Variants in TSHZ3 observed in about 807,000 individuals in gnomAD.
TSHZ3 encodes the protein teashirt homolog 3.
TSHZ3 carries 10 observed loss-of-function variants against 64.5 expected under a neutral mutation model. That is an observed-to-expected ratio of 0.16 (90% CI 0.10 to 0.26). TSHZ3 has a LOEUF of 0.26. Ranked by LOEUF, TSHZ3 falls within the 10% of genes least tolerant of loss-of-function variation. TSHZ3 has a pLI of 1.00. For synonymous variants in TSHZ3, 608 were observed against 593.1 expected, an observed-to-expected ratio of 1.03 and a Z score of -0.36; for missense variants, 1,242 against 1,421.7, an observed-to-expected ratio of 0.87 and a Z score of 2.03.
intron 4 of TSHZ3, among the ~76,000 whole-genome samples, chr19:31,225,058 A>C (rs1161136390): frequency 6.6e-6 from 1 of 152,198 alleles, no homozygotes; most frequent in East Asian, 1.9e-4. Flanking sequence ...AGACCTGTGA[A>C]TTATGGCAAA....
rs115149928 is a variant in TSHZ3, at chr19:31,204,034, G to A, written n.809+922C>T. Among the ~76,000 whole-genome samples, 695 of 152,250 alleles carry A rather than the reference G, an allele frequency of 4.6e-3. 7 individuals carry two copies. The highest frequency in any genetic ancestry group is 0.016 in the African/African-American group (660 of 41,562). ...CTTCACATGGCTGCAAGAGAGCGAA[G>A]TGCAAGCAGGGGAAATGCCAGATGC... is the stretch of plus-strand genomic sequence containing the variant. On this transcript the variant is annotated intron_variant and non_coding_transcript_variant, in intron 5 of 6. Transcript: ENST00000651361.
upstream of TSHZ3, among the ~76,000 whole-genome samples, chr19:31,349,903 G>T (rs905588617): frequency 4.2e-5 from 6 of 143,048 alleles, no homozygotes; most frequent in Non-Finnish European, 7.7e-5. Flanking sequence ...GGGGCGCCGC[G>T]CCCCCGCCCC....
At chr19:31,175,239 G>A (rs77931242) in intron 5 of TSHZ3, among the ~76,000 whole-genome samples, 128 of 152,228 alleles carry the variant, frequency 8.4e-4, no homozygotes, top group Non-Finnish European at 1.4e-3. Context: ...CTTACATTGC[G>A]CTTTCCTGTT....
chr19:31,256,111 C>T (rs563099004), intron 1 of TSHZ3, among the ~76,000 whole-genome samples: 1 of 152,256 alleles, frequency 6.6e-6, no homozygotes, highest in Non-Finnish European at 1.5e-5. Context: ...CTCCCCGAGG[C>T]TCACTTTCTC....
rs779306559 is a variant in TSHZ3, at chr19:31,279,133, G to A, written c.660C>T (p.Ser220=). 5.7e-5 allele frequency: 92 copies of A among 1,613,448 alleles called. No homozygotes were observed. In the South Asian group the frequency reaches 6.4e-4, roughly 11 times the overall value. The change falls in exon 2 of 2, where the codon AGC becomes AGT. Residue 220 remains serine, a synonymous_variant. Transcript: ENST00000240587. The surrounding 1 kb of genome is among the most constrained non-coding windows in gnomAD (Gnocchi z 6.4). The part of the protein sequence containing the change: ...GASKFRCKDC[S]AAYDTLVELT... ...ACTCCACCAGGGTGTCGTAGGCAGC[G>A]CTGCAGTCCTTACAGCGGAACTTGC...
At chr19:31,256,885 C>T (rs1021778781) in intron 1 of TSHZ3, among the ~76,000 whole-genome samples, 2 of 152,152 alleles carry the variant, frequency 1.3e-5, no homozygotes, top group African/African-American at 4.8e-5. Context: ...GTCCTACTCA[C>T]AGCACCAAGG....
In TSHZ3 at chr19:31,279,825, A is replaced by G; in HGVS notation, c.41-73T>C. The G allele has an allele frequency of 1.8e-6, 2 of 1,139,224 alleles. No individual in the cohort carries two copies. The highest frequency in any genetic ancestry group is 5.4e-5 in the East Asian group (2 of 36,994). The allele number at this position is 1,139,224 out of a possible 1,614,324, so 70.6% of individuals were successfully genotyped here. Reference sequence around the variant, plus strand: ...GAGAGACAGGGAGAAGGAGAGAAAGAAAAAAAAAAGCATTAGTACTTGTTG... The same window carrying G: ...GAGAGACAGGGAGAAGGAGAGAAAGGAAAAAAAAAGCATTAGTACTTGTTG... On this transcript the variant is annotated intron_variant, in intron 1 of 1. Coordinates refer to ENST00000240587, the MANE Select transcript of TSHZ3 (RefSeq NM_020856.4). This position sits in a 1 kb window ranked among gnomAD's most constrained non-coding sequence, Gnocchi z 6.4.
At chr19:31,175,549 C>T (rs1974595377) in intron 5 of TSHZ3, among the ~76,000 whole-genome samples, 1 of 152,128 alleles carries the variant, frequency 6.6e-6, no homozygotes, top group Non-Finnish European at 1.5e-5. Flanking sequence ...GCCATGTGTT[C>T]AGGGTTAGAT....
At chr19:31,310,504 T>C (rs1916429027) in intron 1 of TSHZ3, among the ~76,000 whole-genome samples, 1 of 152,156 alleles carries the variant, frequency 6.6e-6, no homozygotes. Flanking sequence ...GAGAATCCCT[T>C]CCACCTTCTT....
At chr19:31,235,669 TCTTC>T in intron 3 of TSHZ3, among the ~76,000 whole-genome samples, 1 of 149,932 alleles carries the variant, frequency 6.7e-6, no homozygotes, top group Non-Finnish European at 1.5e-5. Flanking sequence ...TCTATTTCTT[TCTTC>T]TTTCTTTCTT....
chr19:31,202,804 C>T (rs76132227), intron 5 of TSHZ3, among the ~76,000 whole-genome samples: 2,221 of 152,270 alleles, frequency 0.015, 47 homozygotes, highest in African/African-American at 0.051. Flanking sequence ...CAAAATTGCC[C>T]TGGCACATCT....
intron 1 of TSHZ3, among the ~76,000 whole-genome samples, chr19:31,338,187 C>T (rs138987093): frequency 5.1e-4 from 78 of 152,300 alleles, no homozygotes; most frequent in Non-Finnish European, 3.7e-4. Flanking sequence ...AGAGCTTCAC[C>T]GACTCCTCAG....
At chr19:31,178,058 A>C (rs1235814792) in intron 5 of TSHZ3, among the ~76,000 whole-genome samples, 1 of 152,232 alleles carries the variant, frequency 6.6e-6, no homozygotes, top group Non-Finnish European at 1.5e-5. Flanking sequence ...TTTCCTCATC[A>C]TGTCAATCTC....
intron 1 of TSHZ3, among the ~76,000 whole-genome samples, chr19:31,247,054 C>T (rs549297259): frequency 2.8e-4 from 43 of 152,180 alleles, no homozygotes; most frequent in African/African-American, 1.0e-3. Context: ...GAAGGAAAAG[C>T]TCTTCCTTGC....
downstream of TSHZ3, among the ~76,000 whole-genome samples, chr19:31,270,787 G>A (rs1198565215): frequency 6.6e-6 from 1 of 152,170 alleles, no homozygotes; most frequent in African/African-American, 2.4e-5. Context: ...CAGGTTAGAA[G>A]GTAAGTAAAT....
rs1047930989 is a variant in TSHZ3 at position 31,341,457 on chromosome 19, C to T, written c.40+7723G>A. Among the ~76,000 whole-genome samples the T allele has an allele frequency of 1.4e-4, 21 of 152,162 alleles. 1 individual carries two copies. The highest frequency in any genetic ancestry group is 4.2e-4 in the South Asian group (2 of 4,810). ...TCCAACAGGCAACATCAGCCACTCC[C>T]GGACATGTCATGCAACAGTGAGGCA... On this transcript the variant is annotated intron_variant, in intron 1 of 1. Transcript: ENST00000240587.
intron 4 of TSHZ3, among the ~76,000 whole-genome samples, chr19:31,214,285 G>C (rs1232392407): frequency 6.6e-6 from 1 of 152,184 alleles, no homozygotes; most frequent in Non-Finnish European, 1.5e-5. Flanking sequence ...GAGTCACTGT[G>C]GTTAAGACAG....
intron 1 of TSHZ3, among the ~76,000 whole-genome samples, chr19:31,321,790 T>C (rs1916779545): frequency 6.6e-6 from 1 of 151,974 alleles, no homozygotes; most frequent in African/African-American, 2.4e-5. Flanking sequence ...TTTTTATATA[T>C]ATTATGTATG....
rs140397780 is a variant in TSHZ3 at position 31,341,609 on chromosome 19, ACT to A, written c.40+7569_40+7570del. 5.6e-3 allele frequency among the ~76,000 whole-genome samples: 759 copies of A among 134,606 alleles called. 2 individuals are homozygous for A. Among genetic ancestry groups the A allele is most frequent in the South Asian group, 8.0e-3 (33 of 4,132 alleles). 88.3% of individuals were successfully genotyped at this position (134,606 alleles called of 152,430 possible). ...TCTGTTCACCTGCTAGCATGCACTC[ACT>A]CTCTCTCTCTCTCTCTCTGACACAC... is the stretch of plus-strand genomic sequence containing the variant. On this transcript the variant is annotated intron_variant, in intron 1 of 1. Coordinates refer to ENST00000240587, the MANE Select transcript of TSHZ3 (RefSeq NM_020856.4).
Sources: allele counts gnomAD v4.1 joint callset (sites outside exome capture counted in the v4.1 genomes callset), GRCh38; gene constraint gnomAD v4.1.1; non-coding constraint Gnocchi (gnomAD v3.1); transcripts MANE v1.5; gene names NCBI Gene and HGNC (gene_info 2026-07-23, HGNC 2026-07-21).